The following DDX55 variants were observed in gnomAD, a reference collection of about 807,000 sequenced individuals.
DDX55 encodes DEAD-box helicase 55.
Under a neutral mutation model 69.2 loss-of-function variants are expected in DDX55, and 56 were observed. The ratio of observed to expected loss-of-function variants is 0.81; its 90% confidence interval spans 0.65 to 1.01. The LOEUF (loss-of-function observed/expected upper bound fraction) is 1.01, where lower values mean the gene tolerates loss of function less well. DDX55 is among the 50% of genes least tolerant of loss of function. The pLI, the probability that DDX55 is intolerant of heterozygous loss-of-function variation, is 0.00. For missense variants in DDX55, 720 were observed against 745.1 expected (o/e 0.97, Z 0.39); for synonymous variants, 268 against 273.1 (o/e 0.98, Z 0.18).
chr12:123,613,038 C>A, intron 7 of DDX55, 132 bp from the exon 8 acceptor site: 1 of 854,232 alleles, frequency 1.2e-6, no homozygotes, highest in Non-Finnish European at 1.9e-6. Flanking sequence ...GACCAGTTAA[C>A]ATTCCGACTA....
chr12:123,619,858 G>A, intron 13 of DDX55, 106 bp from the exon 14 acceptor site: 6 of 1,522,056 alleles, frequency 3.9e-6, no homozygotes, highest in Non-Finnish European at 5.2e-6. Flanking sequence ...TGCTCTATTT[G>A]CAGAAGCCAA....
At position 123,606,077 on chromosome 12, in the gene DDX55, C is replaced by G. The variant is rs1424191440; in HGVS notation, c.164C>G (p.Thr55Arg). The G allele has an allele frequency of 6.2e-7, 1 of 1,614,096 alleles. No individual in the cohort carries two copies. The highest frequency in any genetic ancestry group is 8.5e-7 in the Non-Finnish European group (1 of 1,180,036). The change falls in exon 3 of 14, where the codon ACA becomes AGA. Residue 55 changes from threonine (T) to arginine (R), a missense_variant. Coordinates refer to ENST00000238146, the MANE Select transcript of DDX55 (RefSeq NM_020936.3). The part of the protein sequence containing the change: ...RNKDVAAEAV[T>R]GSGKTLAFVI... The stretch of plus-strand genomic sequence containing the variant: ...ACCAAAACTCTCTGTTTGCAGGTCA[C>G]AGGTAGTGGCAAAACACTCGCTTTT...
chr12:123,603,832 T>C (rs954723223), intron 1 of DDX55, among the ~76,000 whole-genome samples: 2 of 152,046 alleles, frequency 1.3e-5, no homozygotes, highest in African/African-American at 4.8e-5. Context: ...AGACGGAATC[T>C]TTCTCTGTTG....
intron 7 of DDX55, among the ~76,000 whole-genome samples, chr12:123,611,350 G>A (rs1422731743): frequency 6.6e-6 from 1 of 152,100 alleles, no homozygotes; most frequent in Non-Finnish European, 1.5e-5. Context: ...GGATGGGCCA[G>A]GAGGCACAAA....
At chr12:123,617,700 C>A in intron 10 of DDX55, 58 bp from the exon 11 acceptor site, 1 of 1,481,538 alleles carries the variant, frequency 6.7e-7, no homozygotes, top group Non-Finnish European at 9.2e-7. Flanking sequence ...TGGCTGGAGC[C>A]TGAGCTCTGT....
chr12:123,613,721 A>G (rs1954442897), intron 8 of DDX55, among the ~76,000 whole-genome samples: 1 of 152,218 alleles, frequency 6.6e-6, no homozygotes, highest in Non-Finnish European at 1.5e-5. Context: ...TTAGGGGCCA[A>G]AAGTGGGTCA....
chr12:123,602,441 A>G (rs1953623099), intron 1 of DDX55, among the ~76,000 whole-genome samples, 185 bp downstream of exon 1: 1 of 152,198 alleles, frequency 6.6e-6, no homozygotes, highest in Non-Finnish European at 1.5e-5. Flanking sequence ...GCGAGCCGGC[A>G]GAGGGGCCGC....
chr12:123,607,729 G>A lies in DDX55; in HGVS notation c.401+67G>A, dbSNP rs562895054. 179 of 1,609,324 alleles carry A rather than the reference G, an allele frequency of 1.1e-4. 4 individuals carry two copies. In the South Asian group the frequency reaches 1.9e-3, roughly 18 times the overall value. Reference sequence around the variant, plus strand: ...GCATTGAACCTAAGAATCGATGTGTGATCTCAGCCTAACTGTGGGTCCCCC... The same window carrying A: ...GCATTGAACCTAAGAATCGATGTGTAATCTCAGCCTAACTGTGGGTCCCCC... On this transcript the variant is annotated intron_variant, in intron 5 of 13. Coordinates refer to ENST00000238146, the MANE Select transcript of DDX55 (RefSeq NM_020936.3).
intron 11 of DDX55, chr12:123,618,102 C>A (rs1954828317): frequency 4.3e-6 from 2 of 466,166 alleles, no homozygotes; most frequent in Admixed American, 3.4e-5. Context: ...CCGCAACCTC[C>A]ACCTCCCGGG....
At chr12:123,609,379 T>G (rs922182074) in intron 6 of DDX55, among the ~76,000 whole-genome samples, 28 of 150,332 alleles carry the variant, frequency 1.9e-4, no homozygotes, top group Non-Finnish European at 3.3e-4. Flanking sequence ...AGTTTTTTTT[T>G]TTTTTTTTTT....
chr12:123,608,333 A>G (rs1954013498), intron 5 of DDX55: 2 of 194,136 alleles, frequency 1.0e-5, no homozygotes, highest in East Asian at 2.5e-4. Flanking sequence ...TCTCCATCGC[A>G]CTTACTCAAC....
At position 123,610,052 on chromosome 12, in the gene DDX55, G is replaced by A. The variant is rs764648878; in HGVS notation, c.665G>A (p.Arg222Gln). 39 of 1,614,016 alleles carry A rather than the reference G, an allele frequency of 2.4e-5. No individual in the cohort carries two copies. Among genetic ancestry groups the A allele is most frequent in the Admixed American group, 5.0e-5 (3 of 60,000 alleles). Residue 222 changes from arginine (R) to glutamine (Q), a missense_variant, in exon 7 of 14, where the codon CGG (arginine) becomes CAG (glutamine). Coordinates refer to ENST00000238146, the MANE Select transcript of DDX55 (RefSeq NM_020936.3). ...AGAGCGGGCCTCCGGAACCCTGTCC[G>A]GGTCTCAGTGAAGGAGAAGGGCGTG... is the stretch of plus-strand genomic sequence containing the variant. The part of the protein sequence containing the change: ...LVRAGLRNPV[R>Q]VSVKEKGVAA...
intron 11 of DDX55, chr12:123,618,178 A>C: frequency 2.6e-6 from 1 of 384,460 alleles, no homozygotes; most frequent in South Asian, 2.1e-5. Context: ...CACCCCAGCT[A>C]ATTTTGTATT....
rs1292933996 is a variant in DDX55, at chr12:123,619,469, G to C, written c.1371G>C (p.Leu457=). 1 of 1,613,838 alleles carries C rather than the reference G, an allele frequency of 6.2e-7. No homozygotes were observed. The highest frequency in any genetic ancestry group is 8.5e-7 in the Non-Finnish European group (1 of 1,179,864). ...DFASLARGFA[L]LRMPKMPELR... ...CCAGCCTTGCTCGAGGTTTTGCCCT[G>C]CTGAGGATGCCCAAGATGCCAGAAT... Residue 457 remains leucine (L), a synonymous_variant, in exon 13 of 14, where the codon CTG becomes CTC. Coordinates refer to ENST00000238146, the MANE Select transcript of DDX55 (RefSeq NM_020936.3).
intron 11 of DDX55, chr12:123,618,336 G>A (rs1422841984): frequency 3.4e-6 from 2 of 595,896 alleles, no homozygotes; most frequent in African/African-American, 3.7e-5. Context: ...TAAGGCTGTG[G>A]AGGCACCTCG....
At chr12:123,616,999 T>G (rs1025372606) in intron 10 of DDX55, among the ~76,000 whole-genome samples, 1 of 152,118 alleles carries the variant, frequency 6.6e-6, no homozygotes, top group Admixed American at 6.6e-5. Context: ...AAAAAATATA[T>G]ATACAGATTA....
At position 123,620,354 on chromosome 12, in the gene DDX55, C is replaced by G; in HGVS notation, c.*214C>G. 1 of 411,512 alleles carries G rather than the reference C, an allele frequency of 2.4e-6. No individual in the cohort carries two copies. The highest frequency in any genetic ancestry group is 4.2e-6 in the Non-Finnish European group (1 of 240,364). The allele number at this position is 411,512 out of a possible 1,614,324, so 25.5% of individuals were successfully genotyped here. A position where few individuals can be genotyped will look rare whatever the true frequency, so the allele number is the denominator to read the frequency against. The stretch of plus-strand genomic sequence containing the variant: ...CCAGTCTTGGCCGGGTGCGGTGGCT[C>G]CTGCCTATAATCCCAGCACTTTGGG... On this transcript the variant is annotated 3_prime_UTR_variant, in exon 14 of 14. Transcript: ENST00000238146.
rs768964196 is a variant in DDX55, at chr12:123,606,128, TGAGAA to T, written c.227_231del (p.Glu76ValfsTer51). 173 of 1,613,992 alleles carry T rather than the reference TGAGAA, an allele frequency of 1.1e-4. No homozygotes were observed. The highest frequency in any genetic ancestry group is 4.9e-4 in the Middle Eastern group (3 of 6,084). On this transcript the variant is annotated frameshift_variant, in exon 3 of 14. Transcript: ENST00000238146. LOFTEE classifies it high-confidence loss of function. ...GTCATCCCCATCCTGGAAATTCTTC[TGAGAA>T]GAGAAGAGAAGTTAAAAAAGAGTCA...
In DDX55 at chr12:123,603,422, C is replaced by T. The variant is rs1328685937; in HGVS notation, c.108+1166C>T. Among the ~76,000 whole-genome samples the T allele has an allele frequency of 3.5e-5, 5 of 144,186 alleles. No homozygotes were observed. In the South Asian group the frequency reaches 6.6e-4, roughly 19 times the overall value. The allele number at this position is 144,186 out of a possible 152,430, so 94.6% of individuals were successfully genotyped here. ...TTTTTTTTTTTTTGAGATGGAGTCTCGCTCTGTTGCCCAGGCTGGAGTGCA... is the reference window on the plus strand; with the variant it reads ...TTTTTTTTTTTTTGAGATGGAGTCTTGCTCTGTTGCCCAGGCTGGAGTGCA... On this transcript the variant is annotated intron_variant, in intron 1 of 13. Transcript: ENST00000238146.
Sources: gnomAD v4.1 joint callset for allele counts (sites outside exome capture counted in the v4.1 genomes callset) on GRCh38, gnomAD v4.1.1 for gene constraint, MANE v1.5 for transcripts, NCBI Gene and HGNC (gene_info 2026-07-23, HGNC 2026-07-21) for gene names.